The following TICRR variants were observed in gnomAD, a reference collection of about 807,000 sequenced individuals.
TICRR encodes the protein TOPBP1 interacting checkpoint and replication regulator, also known as treslin.
A neutral mutation model predicts 178.1 loss-of-function variants in TICRR; 132 were observed. The ratio of observed to expected loss-of-function variants is 0.74; its 90% CI spans 0.64 to 0.86. TICRR has a LOEUF of 0.86. TICRR is among the 40% of genes least tolerant of loss of function. TICRR has a pLI of 0.00. For missense variants in TICRR, 2,587 were observed against 2,334.3 expected, an observed-to-expected ratio of 1.11 and a Z score of -2.23; for synonymous variants, 991 against 900.7, an observed-to-expected ratio of 1.10 and a Z score of -1.79.
Position 89,575,652 on chromosome 15 carries a change from G to T in TICRR, c.66G>T (p.Arg22=), listed in dbSNP as rs1962596629. The T allele has an allele frequency of 1.3e-6, 2 of 1,570,276 alleles. No individual in the cohort carries two copies. The highest frequency in any genetic ancestry group is 2.3e-5 in the South Asian group (2 of 86,632). Residue 22 remains arginine, a synonymous_variant, in exon 1 of 22, where the codon CGG becomes CGT. Coordinates refer to ENST00000268138, the MANE Select transcript of TICRR (RefSeq NM_152259.4). ...DTAGGAARHS[R]VRRAALRLLT... Reference sequence around the variant, plus strand: ...CGGGCGGCGCCGCCCGCCACAGCCGGGTCCGGCGGGCCGCCCTGCGCCTCC... The same window carrying T: ...CGGGCGGCGCCGCCCGCCACAGCCGTGTCCGGCGGGCCGCCCTGCGCCTCC...
intron 17 of TICRR, among the ~76,000 whole-genome samples, chr15:89,619,218 C>CTTTTT (rs1444853735): frequency 1.1e-5 from 1 of 91,872 alleles, no homozygotes; most frequent in African/African-American, 4.3e-5. Context: ...CTACACCATT[C>CTTTTT]TTCTTTTTTT....
intron 7 of TICRR, among the ~76,000 whole-genome samples, chr15:89,596,788 C>T (rs1963005458): frequency 1.3e-5 from 2 of 152,112 alleles, no homozygotes; most frequent in Admixed American, 6.5e-5. Flanking sequence ...ACGTGTTGGA[C>T]CCTTAGATAG....
In TICRR at chr15:89,585,811, C is replaced by T; in HGVS notation, c.1280C>T (p.Ala427Val). 6.2e-7 allele frequency: 1 copy of T among 1,614,152 alleles called. No homozygotes were observed. The highest frequency in any genetic ancestry group is 8.5e-7 in the Non-Finnish European group (1 of 1,180,028). Residue 427 changes from alanine to valine, a missense_variant, in exon 4 of 22, where the codon GCT becomes GTT. Physicochemically the swap from Ala to Val is moderately conservative, Grantham distance 64 (BLOSUM62 0). Coordinates refer to ENST00000268138, the MANE Select transcript of TICRR (RefSeq NM_152259.4). ...MILTVCRTKE[A>V]EFQRHVLQTA... ...CTCACTGTGTGCCGCACCAAGGAGG[C>T]TGAATTTCAACGACATGTTCTCCAA... is the stretch of plus-strand genomic sequence containing the variant.
At chr15:89,588,347 G>C (rs1962856184) in intron 4 of TICRR, among the ~76,000 whole-genome samples, 5 of 152,216 alleles carry the variant, frequency 3.3e-5, no homozygotes. Flanking sequence ...AGCTGGCACA[G>C]CTGCAGAGTA....
At position 89,618,143 on chromosome 15, in the gene TICRR, T is replaced by C. The variant is rs560689199; in HGVS notation, c.2961-9T>C. 6.2e-7 allele frequency: 1 copy of C among 1,614,030 alleles called. No individual in the cohort carries two copies. The highest frequency in any genetic ancestry group is 8.5e-7 in the Non-Finnish European group (1 of 1,179,878). On this transcript the variant is annotated splice_polypyrimidine_tract_variant and intron_variant, in intron 16 of 21. Coordinates refer to ENST00000268138, the MANE Select transcript of TICRR (RefSeq NM_152259.4). ...TATGGAGTAATCCTTGTGCATGTGG[T>C]TCCTCGAGGTCCTCTGATCCTGGTC...
At chr15:89,618,409 TA>T (rs1488929252) in intron 17 of TICRR, among the ~76,000 whole-genome samples, 199 bp downstream of exon 17, 1 of 152,218 alleles carries the variant, frequency 6.6e-6, no homozygotes, top group African/African-American at 2.4e-5. Flanking sequence ...GGAAAAGAAA[TA>T]TTTTTGCACA....
At chr15:89,608,990 T>G in intron 15 of TICRR, 41 bp downstream of exon 15, 1 of 1,533,096 alleles carries the variant, frequency 6.5e-7, no homozygotes. Flanking sequence ...GAAAGGGAGA[T>G]TCTGTAAGAT....
intron 21 of TICRR, among the ~76,000 whole-genome samples, chr15:89,626,367 T>C (rs1219416064): frequency 2.0e-5 from 3 of 152,276 alleles, no homozygotes; most frequent in South Asian, 2.1e-4. Context: ...GAAGGCGTTC[T>C]GAGCAGCACG....
intron 1 of TICRR, 149 bp from the exon 2 acceptor site, chr15:89,582,537 A>G (rs1013117098): frequency 2.8e-6 from 2 of 712,986 alleles, no homozygotes; most frequent in South Asian, 3.8e-5. Context: ...GATGCTGACC[A>G]TTATTTCTAT....
chr15:89,622,715 C>T (rs1410045296), intron 19 of TICRR, among the ~76,000 whole-genome samples: 6 of 152,208 alleles, frequency 3.9e-5, no homozygotes, highest in Non-Finnish European at 8.8e-5. Flanking sequence ...TCCACCTCCC[C>T]AGCAACATCA....
chr15:89,625,156 A>C lies in TICRR; in HGVS notation c.4846A>C (p.Lys1616Gln), dbSNP rs758992384. 1 of 1,613,842 alleles carries C rather than the reference A, an allele frequency of 6.2e-7. No homozygotes were observed. The highest frequency in any genetic ancestry group is 8.5e-7 in the Non-Finnish European group (1 of 1,179,966). ...GCCCAGGGCCAGCAGGTCCTTAAGC[A>C]AACCTGAACCCACCTATGTGTCACC... ...SMPRASRSLS[K>Q]PEPTYVSPPC... is the part of the protein sequence containing the mutation. The change falls in exon 20 of 22, where the codon AAA (lysine) becomes CAA (glutamine). Residue 1616 changes from lysine to glutamine, a missense_variant. Coordinates refer to ENST00000268138, the MANE Select transcript of TICRR (RefSeq NM_152259.4).
At chr15:89,585,653 C>G (rs955705254) in intron 3 of TICRR, 55 bp from the exon 4 acceptor site, 1 of 1,218,962 alleles carries the variant, frequency 8.2e-7, no homozygotes, top group Non-Finnish European at 1.2e-6. Context: ...ACACTACATT[C>G]TTCTTTAGGC....
rs1460552099 is a variant in TICRR, at chr15:89,585,821, A to G, written c.1290A>G (p.Gln430=). 1.9e-6 allele frequency: 3 copies of G among 1,614,114 alleles called. No individual in the cohort carries two copies. The highest frequency in any genetic ancestry group is 2.5e-6 in the Non-Finnish European group (3 of 1,180,028). ...TVCRTKEAEF[Q]RHVLQTAVAD... is the part of the protein sequence containing the mutation. ...GCCGCACCAAGGAGGCTGAATTTCA[A>G]CGACATGTTCTCCAAACAGCTGTGG... Residue 430 remains glutamine, a synonymous_variant, in exon 4 of 22, where the codon CAA becomes CAG. Coordinates refer to ENST00000268138, the MANE Select transcript of TICRR (RefSeq NM_152259.4).
intron 4 of TICRR, among the ~76,000 whole-genome samples, chr15:89,590,200 C>T (rs1278661199): frequency 1.3e-5 from 2 of 152,046 alleles, no homozygotes; most frequent in African/African-American, 2.4e-5. Flanking sequence ...GAGAAGAATA[C>T]GGGTTGAAAG....
rs137906829 is a variant in TICRR, at chr15:89,596,086, G to A, written c.1900+475G>A. Among the ~76,000 whole-genome samples the A allele has an allele frequency of 3.3e-3, 509 of 152,160 alleles. 1 individual carries two copies. Among genetic ancestry groups the A allele is most frequent in the Non-Finnish European group, 6.4e-3 (434 of 68,012 alleles). Reference sequence around the variant, plus strand: ...ACAGTGTGGCAGGAACATAATTTCTGGACTAGATTCTGTCTAGCAGTAGAC... The same window carrying A: ...ACAGTGTGGCAGGAACATAATTTCTAGACTAGATTCTGTCTAGCAGTAGAC... On this transcript the variant is annotated intron_variant, in intron 7 of 21. Transcript: ENST00000268138.
intron 14 of TICRR, 122 bp from the exon 15 acceptor site, chr15:89,608,681 A>G (rs1963208678): frequency 4.0e-6 from 3 of 758,278 alleles, no homozygotes; most frequent in Non-Finnish European, 4.0e-6. Flanking sequence ...AGCATATGTG[A>G]CAATAGCAAT....
chr15:89,592,016 C>G lies in TICRR; in HGVS notation c.1412-31C>G, dbSNP rs774927683. 6.3e-6 allele frequency: 10 copies of G among 1,588,782 alleles called. No homozygotes were observed. In the African/African-American group the frequency reaches 1.3e-4, roughly 21 times the overall value. The stretch of plus-strand genomic sequence containing the variant: ...TCTGCTTTGGTTCTCATGCTGTTTC[C>G]TCTCCTGCCGCTGCTCCTTTGCTCC... On this transcript the variant is annotated intron_variant, in intron 4 of 21. Coordinates refer to ENST00000268138, the MANE Select transcript of TICRR (RefSeq NM_152259.4).
At chr15:89,590,913 A>G (rs532957623) in intron 4 of TICRR, among the ~76,000 whole-genome samples, 1 of 152,158 alleles carries the variant, frequency 6.6e-6, no homozygotes, top group East Asian at 1.9e-4. Flanking sequence ...GGGGTCTTAG[A>G]TGGATCTCTC....
chr15:89,576,148 G>T lies in TICRR; in HGVS notation c.562G>T (p.Val188Leu). The T allele has an allele frequency of 6.2e-7, 1 of 1,607,298 alleles. No homozygotes were observed. The highest frequency in any genetic ancestry group is 8.5e-7 in the Non-Finnish European group (1 of 1,179,982). The change falls in exon 1 of 22, where the codon GTG becomes TTG. Residue 188 changes from valine (V) to leucine (L), a missense_variant. By Grantham distance (32) the Val-to-Leu change is conservative. Coordinates refer to ENST00000268138, the MANE Select transcript of TICRR (RefSeq NM_152259.4). ...AQRLPPTPKQ[V>L]MEKLLPKRVR... is the part of the protein sequence containing the mutation. ...GCGCCTGCCGCCCACCCCTAAGCAG[G>T]TGATGGAGAAGTTGTTGCCCAAGAG... is the stretch of plus-strand genomic sequence containing the variant.
Sources: gnomAD v4.1 joint callset for allele counts (sites outside exome capture counted in the v4.1 genomes callset) on GRCh38, gnomAD v4.1.1 for gene constraint, MANE v1.5 for transcripts, NCBI Gene and HGNC (gene_info 2026-07-23, HGNC 2026-07-21) for gene names.